SGK1: variants seen among roughly 807,000 people sequenced by gnomAD.
SGK1 encodes the protein serum/glucocorticoid regulated kinase 1, also known as serine/threonine-protein kinase Sgk1.
SGK1 carries 26 observed loss-of-function variants against 64.2 expected under a neutral mutation model. That is an observed-to-expected ratio of 0.40 (90% CI 0.30 to 0.56). The LOEUF (loss-of-function observed/expected upper bound fraction) is 0.56. SGK1 is among the 20% of genes least tolerant of loss of function. The pLI is 0.38. For synonymous variants in SGK1, 265 were observed against 239.7 expected (o/e 1.11, Z -0.98); for missense variants, 519 against 645.6 (o/e 0.80, Z 2.12).
chr6:134,198,616 A>G (rs1299566639), intron 3 of SGK1, among the ~76,000 whole-genome samples: 1 of 151,944 alleles, frequency 6.6e-6, no homozygotes, highest in Admixed American at 6.6e-5. Context: ...TATGTTTTCA[A>G]ATTATGAATC....
chr6:134,266,939 C>T lies in SGK1; in HGVS notation c.70-4791G>A, dbSNP rs1049038332. Among the ~76,000 whole-genome samples, 12 of 152,112 alleles carry T rather than the reference C, an allele frequency of 7.9e-5. No homozygotes were observed. The South Asian group carries it at 1.0e-3, about 13-fold the overall frequency. ...GTAACTGTTCTTGCTTTGTCTCCAA[C>T]GTTGTAGTTTAAAATCAATCTTTTT... On this transcript the variant is annotated intron_variant, in intron 1 of 13. Transcript: ENST00000367858.
At chr6:134,224,085 G>A (rs1776132572) in intron 2 of SGK1, among the ~76,000 whole-genome samples, 2 of 152,118 alleles carry the variant, frequency 1.3e-5, no homozygotes, top group African/African-American at 2.4e-5. Flanking sequence ...TATTTGATAT[G>A]AAACACATGT....
intron 2 of SGK1, chr6:134,215,138 T>TTTTTC: frequency 3.8e-6 from 1 of 265,400 alleles, no homozygotes; most frequent in Non-Finnish European, 7.2e-6. Flanking sequence ...TTCTTTCTTT[T>TTTTTC]TTTTTTTTTG....
At chr6:134,260,377 C>CCA (rs1357176571) in intron 2 of SGK1, 3 of 139,150 alleles carry the variant, frequency 2.2e-5, no homozygotes, top group Admixed American at 7.1e-5. Flanking sequence ...GACCCCCACC[C>CCA]CCCCCAAAAA....
intron 1 of SGK1, among the ~76,000 whole-genome samples, chr6:134,274,404 G>C (rs1776988744): frequency 6.6e-6 from 1 of 152,104 alleles, no homozygotes; most frequent in East Asian, 1.9e-4. Flanking sequence ...GAAAGGTAAG[G>C]GCCAAACAAG....
rs1479486164 is a variant in SGK1 at position 134,207,644 on chromosome 6, AC to A, written c.286-214del. Among the ~76,000 whole-genome samples, 16 of 152,270 alleles carry A rather than the reference AC, an allele frequency of 1.1e-4. No homozygotes were observed. The East Asian group carries it at 2.5e-3, about 24-fold the overall frequency. ...GCCTTTTAGTCCTGGGCAAACCGGG[AC>A]AGTTGGTCCCCTTACACATGAAGCA... On this transcript the variant is annotated intron_variant, in intron 2 of 13. Transcript: ENST00000367858.
chr6:134,298,221 C>T, intron 1 of SGK1: 1 of 1,567,228 alleles, frequency 6.4e-7, no homozygotes, highest in Non-Finnish European at 8.7e-7. Context: ...CCTCCAGCTT[C>T]AGCTTCTCCT....
intron 1 of SGK1, chr6:134,298,371 T>C (rs1053332970): frequency 2.4e-5 from 36 of 1,502,032 alleles, no homozygotes; most frequent in Non-Finnish European, 2.9e-5. Flanking sequence ...CCAGGAACCG[T>C]ACCTTGCCTA....
At chr6:134,256,878 T>C (rs925522239) in intron 2 of SGK1, among the ~76,000 whole-genome samples, 1 of 152,228 alleles carries the variant, frequency 6.6e-6, no homozygotes, top group Non-Finnish European at 1.5e-5. Flanking sequence ...GGGTAAAACA[T>C]GTTTCAAGGC....
At chr6:134,300,735 C>T (rs1777441065) in intron 1 of SGK1, among the ~76,000 whole-genome samples, 1 of 146,298 alleles carries the variant, frequency 6.8e-6, no homozygotes, top group East Asian at 2.3e-4. Flanking sequence ...TGGGTTCAAG[C>T]AATTCTCCTG....
At chr6:134,189,855 GT>G (rs1487079231) in intron 3 of SGK1, among the ~76,000 whole-genome samples, 1 of 151,188 alleles carries the variant, frequency 6.6e-6, no homozygotes, top group Non-Finnish European at 1.5e-5. Flanking sequence ...GTTGTTTTTT[GT>G]TTGTTTGTTT....
At chr6:134,285,266 C>T (rs1777164296) in intron 1 of SGK1, among the ~76,000 whole-genome samples, 2 of 152,100 alleles carry the variant, frequency 1.3e-5, no homozygotes, top group Non-Finnish European at 2.9e-5. Context: ...TGCCTGAGGT[C>T]AGGAGTTCGA....
intron 2 of SGK1, among the ~76,000 whole-genome samples, chr6:134,229,348 T>C (rs1002912581): frequency 5.3e-5 from 8 of 152,156 alleles, no homozygotes; most frequent in African/African-American, 1.9e-4. Context: ...ATAAAGAATT[T>C]TAAGAAATTA....
Position 134,172,325 on chromosome 6 carries a change from A to C in SGK1, c.948-9T>G, listed in dbSNP as rs1185533493. On this transcript the variant is annotated splice_polypyrimidine_tract_variant and intron_variant, in intron 9 of 13. Transcript: ENST00000367858. ...TCTCTGGTTTTAAGTCTCTGTAAAA[A>C]AGTGAATAGAAAAGTAGTTGCACAA... 6 of 1,607,638 alleles carry C rather than the reference A, an allele frequency of 3.7e-6. No homozygotes were observed. In the Admixed American group the frequency reaches 1.0e-4, roughly 28 times the overall value.
At chr6:134,177,622 C>G in intron 3 of SGK1, 1 of 1,549,394 alleles carries the variant, frequency 6.5e-7, no homozygotes, top group Non-Finnish European at 8.9e-7. Context: ...AACCCCAAAT[C>G]CTTTGAGGCA....
chr6:134,179,075 A>G (rs1282686251), intron 3 of SGK1, among the ~76,000 whole-genome samples: 1 of 152,146 alleles, frequency 6.6e-6, no homozygotes, highest in Non-Finnish European at 1.5e-5. Flanking sequence ...GACTTTTTCC[A>G]TTTAATTTTA....
intron 1 of SGK1, among the ~76,000 whole-genome samples, chr6:134,290,085 G>A (rs1777240865): frequency 6.7e-6 from 1 of 149,734 alleles, no homozygotes; most frequent in Non-Finnish European, 1.5e-5. Flanking sequence ...GTGAGGGGGA[G>A]GTTACAGTGA....
At chr6:134,184,902 C>CT (rs1458641425) in intron 3 of SGK1, among the ~76,000 whole-genome samples, 2 of 152,096 alleles carry the variant, frequency 1.3e-5, no homozygotes, top group Non-Finnish European at 2.9e-5. Flanking sequence ...CCAGGCTGGT[C>CT]TCGAACTCCT....
intron 1 of SGK1, among the ~76,000 whole-genome samples, chr6:134,292,816 G>T (rs969978727): frequency 6.6e-6 from 1 of 152,160 alleles, no homozygotes; most frequent in African/African-American, 2.4e-5. Flanking sequence ...ATTCTGACTT[G>T]AACAGTCACT....
Sources: gnomAD v4.1 joint callset for allele counts (sites outside exome capture counted in the v4.1 genomes callset) on GRCh38, gnomAD v4.1.1 for gene constraint, MANE v1.5 for transcripts, NCBI Gene and HGNC (gene_info 2026-07-23, HGNC 2026-07-21) for gene names.